Variants in IMPG1 observed in about 807,000 individuals in gnomAD.
IMPG1 encodes interphotoreceptor matrix proteoglycan 1.
In IMPG1, 85 loss-of-function variants were observed where a neutral mutation model predicts 92.0. The observed-to-expected ratio is 0.92, with a 90% CI of 0.78 to 1.11. The LOEUF (loss-of-function observed/expected upper bound fraction) is 1.11. Among genes scored for constraint, IMPG1 ranks in the 50% least tolerant of loss-of-function variants. The probability of loss-of-function intolerance (pLI) is 0.00; values close to 1 mark genes in which losing one functional copy is unlikely to be tolerated. For synonymous variants in IMPG1, 367 were observed against 334.1 expected (o/e 1.10, Z -1.08); for missense variants, 1,022 against 956.0 (o/e 1.07, Z -0.91).
At chr6:75,947,799 G>A (rs1234657696) in intron 13 of IMPG1, among the ~76,000 whole-genome samples, 1 of 151,326 alleles carries the variant, frequency 6.6e-6, no homozygotes, top group Non-Finnish European at 1.5e-5. Flanking sequence ...GAGAACAGAT[G>A]ATTTTTAAAA....
chr6:75,931,440 C>T (rs1473715855), intron 14 of IMPG1, among the ~76,000 whole-genome samples: 1 of 152,214 alleles, frequency 6.6e-6, no homozygotes, highest in African/African-American at 2.4e-5. Context: ...GCCCCACACT[C>T]AGAGTTCCTG....
At position 76,005,280 on chromosome 6, in the gene IMPG1, A is replaced by G. The variant is rs1182561133; in HGVS notation, c.1135+7T>C. 5 of 1,613,610 alleles carry G rather than the reference A, an allele frequency of 3.1e-6. No individual in the cohort carries two copies. The South Asian group carries it at 4.4e-5, about 14-fold the overall frequency. ...ATAAACTCAGAACTAAGCAATCATT[A>G]ACTGACCATCAGTGAACTGAATTGT... is the stretch of plus-strand genomic sequence containing the variant. On this transcript the variant is annotated splice_region_variant and intron_variant, in intron 10 of 16. Coordinates refer to ENST00000369950, the MANE Select transcript of IMPG1 (RefSeq NM_001563.4).
At chr6:75,947,842 G>A (rs1289856173) in intron 13 of IMPG1, among the ~76,000 whole-genome samples, 3 of 143,858 alleles carry the variant, frequency 2.1e-5, no homozygotes, top group Admixed American at 7.1e-5. Context: ...AAGCAGGAAT[G>A]CCAAGTTCAG....
chr6:75,969,874 A>G lies in IMPG1; in HGVS notation c.1292-18780T>C, dbSNP rs567166268. Among the ~76,000 whole-genome samples the G allele has an allele frequency of 1.2e-4, 19 of 152,338 alleles. No homozygotes were observed. The South Asian group carries it at 3.9e-3, about 32-fold the overall frequency. The stretch of plus-strand genomic sequence containing the variant: ...TATAGAAGAAAAATATTTTACCACT[A>G]TCTTTCTATTATTAATAATAACATT... On this transcript the variant is annotated intron_variant, in intron 12 of 16. Transcript: ENST00000369950.
intron 12 of IMPG1, among the ~76,000 whole-genome samples, chr6:75,964,019 A>T (rs969787176): frequency 6.6e-6 from 1 of 152,196 alleles, no homozygotes; most frequent in African/African-American, 2.4e-5. Context: ...AAAACTTGGG[A>T]GGAAAGGCTG....
intron 1 of IMPG1, among the ~76,000 whole-genome samples, chr6:76,045,496 G>A: frequency 9.2e-6 from 1 of 109,046 alleles, no homozygotes; most frequent in East Asian, 2.6e-4. Flanking sequence ...TGACTACTCT[G>A]TTTCTGTGAC....
intron 2 of IMPG1, 60 bp downstream of exon 2, chr6:76,041,833 T>A: frequency 8.9e-7 from 1 of 1,129,284 alleles, no homozygotes; most frequent in Non-Finnish European, 1.3e-6. Context: ...AACCTATGGA[T>A]GAATGAAAGG....
intron 12 of IMPG1, among the ~76,000 whole-genome samples, chr6:75,955,423 T>C (rs1782102301): frequency 6.6e-6 from 1 of 152,228 alleles, no homozygotes; most frequent in South Asian, 2.1e-4. Flanking sequence ...TTGTCTATTA[T>C]TGGTGTGTAG....
Position 76,034,888 on chromosome 6 carries a change from G to T in IMPG1, c.302-101C>A. ...GGAAAATTATTTCATGGCTTATGTC[G>T]ACACACTAATTTACAGTCTCTAAAA... On this transcript the variant is annotated intron_variant, in intron 2 of 16. Coordinates refer to ENST00000369950, the MANE Select transcript of IMPG1 (RefSeq NM_001563.4). The T allele has an allele frequency of 6.2e-6, 6 of 962,438 alleles. No individual in the cohort carries two copies. The South Asian group carries it at 1.0e-4, about 16-fold the overall frequency. 59.6% of individuals were successfully genotyped at this position (962,438 alleles called of 1,614,324 possible).
intron 1 of IMPG1, among the ~76,000 whole-genome samples, chr6:76,060,850 G>A (rs3798591): frequency 0.05 from 7,604 of 152,176 alleles, 293 homozygotes; most frequent in Admixed American, 0.092. Context: ...TAGTGAGGAG[G>A]TCAGGACTTT....
At chr6:75,954,222 CCCA>C (rs745682916) in intron 12 of IMPG1, among the ~76,000 whole-genome samples, 2 of 152,160 alleles carry the variant, frequency 1.3e-5, no homozygotes, top group Non-Finnish European at 2.9e-5. Flanking sequence ...GATTTACACT[CCCA>C]CCAATAGTGT....
intron 5 of IMPG1, among the ~76,000 whole-genome samples, chr6:76,024,065 T>A (rs1783481000): frequency 6.6e-6 from 1 of 152,152 alleles, no homozygotes; most frequent in Admixed American, 6.5e-5. Context: ...GCTCTTCTTT[T>A]TATTGTTAAA....
intron 12 of IMPG1, among the ~76,000 whole-genome samples, chr6:75,969,863 A>G (rs2149464933): frequency 6.6e-6 from 1 of 152,296 alleles, no homozygotes; most frequent in Non-Finnish European, 1.5e-5. Flanking sequence ...GAAGAAAAAT[A>G]TTTTACCACT....
At chr6:75,994,012 G>A (rs1782858021) in intron 12 of IMPG1, among the ~76,000 whole-genome samples, 3 of 152,214 alleles carry the variant, frequency 2.0e-5, no homozygotes, top group Non-Finnish European at 2.9e-5. Flanking sequence ...GAGCTGCTGT[G>A]TGCTGGTTTT....
At chr6:76,045,050 G>T (rs1250627970) in intron 1 of IMPG1, among the ~76,000 whole-genome samples, 2 of 152,140 alleles carry the variant, frequency 1.3e-5, no homozygotes, top group East Asian at 3.8e-4. Flanking sequence ...ACACACAGCT[G>T]GGGGTCTACA....
intron 7 of IMPG1, among the ~76,000 whole-genome samples, chr6:76,018,037 T>G (rs918057941): frequency 1.1e-4 from 16 of 152,116 alleles, no homozygotes; most frequent in Admixed American, 6.6e-4. Context: ...GCCACCGCGG[T>G]TGGCAAAACC....
In IMPG1 at chr6:76,034,788, C is replaced by T. The variant is rs929716885; in HGVS notation, c.302-1G>A. On this transcript the variant is annotated splice_acceptor_variant, in intron 2 of 16. Transcript: ENST00000369950. LOFTEE classifies it high-confidence loss of function. ...GCTTCCCATACTGCTTCCTGACACA[C>T]TGTAATACAGAGTCATTAATGGCCA... 1 of 1,613,214 alleles carries T rather than the reference C, an allele frequency of 6.2e-7. No individual in the cohort carries two copies. The highest frequency in any genetic ancestry group is 8.5e-7 in the Non-Finnish European group (1 of 1,179,386).
intron 15 of IMPG1, among the ~76,000 whole-genome samples, chr6:75,930,327 A>T (rs1781641554): frequency 6.6e-6 from 1 of 152,240 alleles, no homozygotes; most frequent in Admixed American, 6.5e-5. Flanking sequence ...GAGGACTATA[A>T]AACGAGAAAG....
At chr6:75,923,780 C>T in intron 15 of IMPG1, 74 bp from the exon 16 acceptor site, 1 of 835,444 alleles carries the variant, frequency 1.2e-6, no homozygotes, top group Non-Finnish European at 1.9e-6. Flanking sequence ...CATCTTTCTA[C>T]TGTTTTAGTT....
Sources: allele counts gnomAD v4.1 joint callset (sites outside exome capture counted in the v4.1 genomes callset), GRCh38; gene constraint gnomAD v4.1.1; transcripts MANE v1.5; gene names NCBI Gene and HGNC (gene_info 2026-07-23, HGNC 2026-07-21).